The following FBXO10 variants were observed in gnomAD, a reference collection of about 807,000 sequenced individuals.
The protein encoded by FBXO10 is F-box protein 10, also known as F-box only protein 10.
In FBXO10, 39 loss-of-function variants were observed where a neutral mutation model predicts 80.7. The ratio of observed to expected loss-of-function variants is 0.48; its 90% confidence interval spans 0.37 to 0.63. The LOEUF (loss-of-function observed/expected upper bound fraction) is 0.63. Among genes scored for constraint, FBXO10 ranks in the 30% least tolerant of loss-of-function variants. The pLI is 0.00. For synonymous variants in FBXO10, 449 were observed against 489.6 expected, an observed-to-expected ratio of 0.92 and a Z score of 1.09; for missense variants, 1,025 against 1,269.0, an observed-to-expected ratio of 0.81 and a Z score of 2.92.
At chr9:37,573,166 A>G (rs530675371) in intron 1 of FBXO10, among the ~76,000 whole-genome samples, 3 of 152,314 alleles carry the variant, frequency 2.0e-5, no homozygotes, top group African/African-American at 7.2e-5. Flanking sequence ...GATTTGGGTT[A>G]AGGTTAAGAA....
At chr9:37,556,704 C>T (rs148343031) in intron 1 of FBXO10, among the ~76,000 whole-genome samples, 2,883 of 151,942 alleles carry the variant, frequency 0.019, 88 homozygotes, top group African/African-American at 0.066. Context: ...CCGCCACGCC[C>T]GGCTAATTTT....
At chr9:37,516,137 G>A in intron 9 of FBXO10, 52 bp from the exon 10 acceptor site, 1 of 1,556,890 alleles carries the variant, frequency 6.4e-7, no homozygotes, top group Non-Finnish European at 8.7e-7. Flanking sequence ...CAGACTGAGT[G>A]GGAGAGCTGG....
chr9:37,529,472 A>G (rs918925344), intron 4 of FBXO10, among the ~76,000 whole-genome samples: 1 of 152,216 alleles, frequency 6.6e-6, no homozygotes, highest in African/African-American at 2.4e-5. Context: ...AAGGGAGACT[A>G]TGAAGACTGG....
In FBXO10 at chr9:37,537,182, G is replaced by A. The variant is rs764372618; in HGVS notation, c.1347C>T (p.His449=). ...DGKGGVFVCS[H]GRAKMEGNIF... is the part of the protein sequence containing the mutation. ...TGTTTCCTTCCATCTTGGCTCTGCC[G>A]TGGGAGCAGACGAAGACGCCTCCCT... The change falls in exon 3 of 11, where the codon CAC becomes CAT. Residue 449 remains histidine (H), a synonymous_variant. Coordinates refer to ENST00000432825, the MANE Select transcript of FBXO10 (RefSeq NM_012166.3). The A allele has an allele frequency of 1.7e-5, 27 of 1,613,840 alleles. No individual in the cohort carries two copies. Among genetic ancestry groups the A allele is most frequent in the African/African-American group, 1.1e-4 (8 of 74,948 alleles).
Position 37,567,601 on chromosome 9 carries a change from T to A in FBXO10, c.-7+8610A>T, listed in dbSNP as rs551827547. Reference sequence around the variant, plus strand: ...TTCATGATCTGTGAGTTTATATATATGTGATGGTGGGGCTAGAAGTTCCTA... The same window carrying A: ...TTCATGATCTGTGAGTTTATATATAAGTGATGGTGGGGCTAGAAGTTCCTA... On this transcript the variant is annotated intron_variant, in intron 1 of 10. Transcript: ENST00000432825. Among the ~76,000 whole-genome samples the A allele has an allele frequency of 7.9e-5, 12 of 152,350 alleles. No homozygotes were observed. The South Asian group carries it at 2.3e-3, about 29-fold the overall frequency.
intron 7 of FBXO10, 78 bp downstream of exon 7, chr9:37,522,747 A>T: frequency 6.7e-7 from 1 of 1,488,290 alleles, no homozygotes; most frequent in South Asian, 1.3e-5. Flanking sequence ...AAAGGCAGTG[A>T]CCTTCTCAGG....
chr9:37,538,048 T>A (rs1821820704), intron 2 of FBXO10, 105 bp from the exon 3 acceptor site: 4 of 848,074 alleles, frequency 4.7e-6, no homozygotes, highest in Non-Finnish European at 5.6e-6. Context: ...TTTGTTCTGC[T>A]GATCATCTTC....
At chr9:37,541,118 C>A in intron 2 of FBXO10, 66 bp downstream of exon 2, 2 of 1,395,136 alleles carry the variant, frequency 1.4e-6, no homozygotes, top group Non-Finnish European at 1.9e-6. Context: ...GGATTAAAAG[C>A]CCAGAAAAGA....
In FBXO10 at chr9:37,541,633, G is replaced by A. The variant is rs758435469; in HGVS notation, c.136C>T (p.Arg46Trp). ...LILSLDSTRW[R>W]QLCLGCTECR... The stretch of plus-strand genomic sequence containing the variant: ...TCGGTGCAACCCAGACACAGCTGCC[G>A]CCAGCGGGTGCTGTCGAGACTGAGG... The change falls in exon 2 of 11, where the codon CGG (arginine) becomes TGG (tryptophan). Residue 46 changes from arginine to tryptophan, a missense_variant. By Grantham distance (101) the Arg-to-Trp change is moderately radical. This residue lies in a region of FBXO10 where 450 missense variants were observed against 499.4 expected (regional missense o/e 0.90). Coordinates refer to ENST00000432825, the MANE Select transcript of FBXO10 (RefSeq NM_012166.3). The A allele has an allele frequency of 4.3e-6, 7 of 1,613,850 alleles. No individual in the cohort carries two copies. The highest frequency in any genetic ancestry group is 4.5e-5 in the East Asian group (2 of 44,872).
chr9:37,551,348 C>A (rs1452003717), intron 1 of FBXO10, among the ~76,000 whole-genome samples: 1 of 152,172 alleles, frequency 6.6e-6, no homozygotes, highest in African/African-American at 2.4e-5. Context: ...CTCTACAGGT[C>A]TGGAGTCTTG....
intron 1 of FBXO10, among the ~76,000 whole-genome samples, chr9:37,569,715 C>T (rs1012713916): frequency 8.5e-5 from 13 of 152,296 alleles, no homozygotes; most frequent in African/African-American, 3.1e-4. Context: ...ACCTGTAGTC[C>T]TTCCAGCTAC....
At chr9:37,562,575 CTT>C (rs1464835925) in intron 1 of FBXO10, among the ~76,000 whole-genome samples, 1 of 152,198 alleles carries the variant, frequency 6.6e-6, no homozygotes, top group Non-Finnish European at 1.5e-5. Flanking sequence ...AGGGCAGAAA[CTT>C]TGCATCACTG....
chr9:37,536,154 G>C lies in FBXO10; in HGVS notation c.1419+956C>G, dbSNP rs1364548825. On this transcript the variant is annotated intron_variant, in intron 3 of 10. Transcript: ENST00000432825. ...GTGATTGCTATTAACCATTTTAGAAGCCTGCAACACTCATGAGTGACCTTT... is the reference window on the plus strand; with the variant it reads ...GTGATTGCTATTAACCATTTTAGAACCCTGCAACACTCATGAGTGACCTTT... 2.0e-5 allele frequency: 3 copies of C among 152,282 alleles called. No homozygotes were observed. The South Asian group carries it at 6.2e-4, about 32-fold the overall frequency. The allele number at this position is 152,282 out of a possible 1,614,324, so 9.4% of individuals were successfully genotyped here. A position where few individuals can be genotyped will look rare whatever the true frequency, so the allele number is the denominator to read the frequency against.
rs372218958 is a variant in FBXO10 at position 37,541,754 on chromosome 9, G to A, written c.15C>T (p.Gly5=). 3 of 1,596,908 alleles carry A rather than the reference G, an allele frequency of 1.9e-6. No individual in the cohort carries two copies. The highest frequency in any genetic ancestry group is 2.7e-5 in the African/African-American group (2 of 74,518). MEAG[G]LPLELWRMIL... Reference sequence around the variant, plus strand: ...TCATGCGCCACAGCTCCAAGGGGAGGCCACCAGCCTCCATGGTCACCTAGG... The same window carrying A: ...TCATGCGCCACAGCTCCAAGGGGAGACCACCAGCCTCCATGGTCACCTAGG... Residue 5 remains glycine (G), a synonymous_variant, in exon 2 of 11, where the codon GGC becomes GGT. Coordinates refer to ENST00000432825, the MANE Select transcript of FBXO10 (RefSeq NM_012166.3).
chr9:37,547,382 G>C (rs1822083248), intron 1 of FBXO10, among the ~76,000 whole-genome samples: 1 of 152,070 alleles, frequency 6.6e-6, no homozygotes, highest in Non-Finnish European at 1.5e-5. Context: ...TTGAGCTCAG[G>C]AGTTTGAGAC....
At chr9:37,548,457 A>C (rs2119148952) in intron 1 of FBXO10, among the ~76,000 whole-genome samples, 1 of 152,308 alleles carries the variant, frequency 6.6e-6, no homozygotes, top group South Asian at 2.1e-4. Context: ...CATTGCATGT[A>C]AACATCATCT....
At position 37,512,439 on chromosome 9, in the gene FBXO10, C is replaced by CTCCAAA; in HGVS notation, c.*107_*108insTTTGGA. 10 of 1,257,164 alleles carry CTCCAAA rather than the reference C, an allele frequency of 8.0e-6. No individual in the cohort carries two copies. Among genetic ancestry groups the CTCCAAA allele is most frequent in the Non-Finnish European group, 1.1e-5 (10 of 900,990 alleles). 77.9% of individuals were successfully genotyped at this position (1,257,164 alleles called of 1,614,324 possible). A position where few individuals can be genotyped will look rare whatever the true frequency, so the allele number is the denominator to read the frequency against. On this transcript the variant is annotated 3_prime_UTR_variant, in exon 11 of 11. Coordinates refer to ENST00000432825, the MANE Select transcript of FBXO10 (RefSeq NM_012166.3). ...GTACCGTGTTTTGGAGGCCCGGGACCCATTTGTTCGAGGGGGAGGGGGAGG... is the reference window on the plus strand; with the variant it reads ...GTACCGTGTTTTGGAGGCCCGGGACCTCCAAACATTTGTTCGAGGGGGAGGGGGAGG...
chr9:37,516,025 T>C lies in FBXO10; in HGVS notation c.2575A>G (p.Lys859Glu), dbSNP rs887688036. Residue 859 changes from lysine to glutamate, a missense_variant, in exon 10 of 11, where the codon AAG (lysine) becomes GAG (glutamate). Physicochemically the swap from Lys to Glu is moderately conservative, Grantham distance 56. Coordinates refer to ENST00000432825, the MANE Select transcript of FBXO10 (RefSeq NM_012166.3). Reference protein sequence around the residue: ...AYGIAVRGRAKALVQENIIFQ... With the variant: ...AYGIAVRGRAEALVQENIIFQ... ...ATGATGTTTTCCTGCACCAGGGCCT[T>C]GGCACGGCCCCGCACGGCGATGCCG... 1.2e-6 allele frequency: 2 copies of C among 1,614,042 alleles called. No individual in the cohort carries two copies. The highest frequency in any genetic ancestry group is 1.7e-6 in the Non-Finnish European group (2 of 1,179,904).
chr9:37,519,860 C>T (rs747194603), intron 8 of FBXO10, among the ~76,000 whole-genome samples: 47 of 151,862 alleles, frequency 3.1e-4, no homozygotes, highest in Non-Finnish European at 6.5e-4. Context: ...CTCTATTGCC[C>T]AGGCAGTAGT....
Sources: allele counts gnomAD v4.1 joint callset (sites outside exome capture counted in the v4.1 genomes callset), GRCh38; gene constraint gnomAD v4.1.1; regional missense constraint gnomAD v4.1.1; transcripts MANE v1.5; gene names NCBI Gene and HGNC (gene_info 2026-07-23, HGNC 2026-07-21).